The following NKAIN2 variants were observed in gnomAD, a reference collection of about 807,000 sequenced individuals.
NKAIN2 encodes sodium/potassium-transporting ATPase subunit beta-1-interacting protein 2.
In NKAIN2, 14 loss-of-function variants were observed where a neutral mutation model predicts 32.6. That is an observed-to-expected ratio of 0.43 (90% CI 0.28 to 0.67). NKAIN2 has a LOEUF of 0.67. Among genes scored for constraint, NKAIN2 ranks in the 30% least tolerant of loss-of-function variants. NKAIN2 has a pLI of 0.17. For missense variants in NKAIN2, 198 were observed against 258.3 expected (o/e 0.77, Z 1.60); for synonymous variants, 80 against 87.2 (o/e 0.92, Z 0.46).
At chr6:124,503,933 T>G (rs889789398) in intron 3 of NKAIN2, among the ~76,000 whole-genome samples, 17 of 152,124 alleles carry the variant, frequency 1.1e-4, no homozygotes, top group African/African-American at 4.1e-4. Flanking sequence ...CATATTAATG[T>G]GAGAAGATTG....
intron 5 of NKAIN2, among the ~76,000 whole-genome samples, chr6:124,806,557 A>T (rs1670578577): frequency 6.6e-6 from 1 of 152,194 alleles, no homozygotes; most frequent in African/African-American, 2.4e-5. Context: ...AAGACCATCG[A>T]GACTAGGAAG....
rs567073447 is a variant in NKAIN2 at position 124,581,420 on chromosome 6, T to C, written c.274-76766T>C. On this transcript the variant is annotated intron_variant, in intron 3 of 6. Coordinates refer to ENST00000368417, the MANE Select transcript of NKAIN2 (RefSeq NM_001040214.3). ...CGCCACTGCAGTCCGCAGTCCGGCCTGGGCAACAGAGCGAGACTCCGTCTC... is the reference window on the plus strand; with the variant it reads ...CGCCACTGCAGTCCGCAGTCCGGCCCGGGCAACAGAGCGAGACTCCGTCTC... Among the ~76,000 whole-genome samples the C allele has an allele frequency of 4.6e-3, 545 of 119,134 alleles. 2 individuals carry two copies. The highest frequency in any genetic ancestry group is 0.017 in the African/African-American group (516 of 30,784). 78.2% of individuals were successfully genotyped at this position (119,134 alleles called of 152,430 possible).
chr6:124,427,411 G>T (rs1262309071), intron 3 of NKAIN2, among the ~76,000 whole-genome samples: 1 of 152,106 alleles, frequency 6.6e-6, no homozygotes, highest in East Asian at 1.9e-4. Flanking sequence ...TTATGGTGAT[G>T]ATTTCATACT....
At chr6:124,170,391 A>C (rs1788783954) in intron 1 of NKAIN2, among the ~76,000 whole-genome samples, 2 of 152,182 alleles carry the variant, frequency 1.3e-5, no homozygotes, top group Non-Finnish European at 2.9e-5. Flanking sequence ...CCATTTCCAT[A>C]GATATTTTTT....
chr6:123,921,612 C>T (rs889125550), intron 1 of NKAIN2, among the ~76,000 whole-genome samples: 6 of 152,130 alleles, frequency 3.9e-5, no homozygotes, highest in African/African-American at 1.2e-4. Flanking sequence ...CTGTTCTGGT[C>T]TCTCTCTTCT....
At chr6:124,690,900 C>G (rs1475758698) in intron 4 of NKAIN2, among the ~76,000 whole-genome samples, 1 of 152,092 alleles carries the variant, frequency 6.6e-6, no homozygotes, top group Admixed American at 6.6e-5. Flanking sequence ...TTTCTTTTGC[C>G]TGTCATATTA....
chr6:124,342,871 T>A (rs1368434558), intron 2 of NKAIN2, among the ~76,000 whole-genome samples: 3 of 147,720 alleles, frequency 2.0e-5, no homozygotes, highest in African/African-American at 7.9e-5. Flanking sequence ...AGGGTACATG[T>A]GCACAATGTG....
At chr6:124,102,225 A>G (rs929685087) in intron 1 of NKAIN2, among the ~76,000 whole-genome samples, 1 of 152,200 alleles carries the variant, frequency 6.6e-6, no homozygotes, top group Non-Finnish European at 1.5e-5. Flanking sequence ...CTTCACTGGT[A>G]TGGACCATCT....
intron 1 of NKAIN2, among the ~76,000 whole-genome samples, chr6:123,804,920 AAACT>A (rs1433113578): frequency 1.3e-5 from 2 of 152,198 alleles, no homozygotes; most frequent in Non-Finnish European, 2.9e-5. Flanking sequence ...ATTCCAAGAA[AAACT>A]ATTCTGTCTT....
chr6:124,413,335 T>G (rs1774304418), intron 3 of NKAIN2, among the ~76,000 whole-genome samples: 1 of 152,236 alleles, frequency 6.6e-6, no homozygotes, highest in Admixed American at 6.5e-5. Context: ...CACCGTTTAT[T>G]GAAAAGCCTG....
At chr6:124,773,327 C>T (rs532517241) in intron 4 of NKAIN2, among the ~76,000 whole-genome samples, 20 of 151,880 alleles carry the variant, frequency 1.3e-4, no homozygotes, top group East Asian at 3.9e-4. Flanking sequence ...AGAAGAGGTG[C>T]GAGTGGTGGG....
intron 1 of NKAIN2, among the ~76,000 whole-genome samples, chr6:124,157,052 G>A (rs550630024): frequency 3.0e-5 from 4 of 131,568 alleles, no homozygotes; most frequent in East Asian, 4.8e-4. Flanking sequence ...GCAGTGAGCC[G>A]AGATCGAGCC....
intron 1 of NKAIN2, among the ~76,000 whole-genome samples, chr6:124,048,848 G>T (rs1374332378): frequency 1.3e-5 from 2 of 152,034 alleles, no homozygotes; most frequent in African/African-American, 2.4e-5. Flanking sequence ...TTTCTTAAGT[G>T]CATGGCTCAG....
intron 1 of NKAIN2, among the ~76,000 whole-genome samples, chr6:123,898,259 C>T (rs1774380001): frequency 6.6e-6 from 1 of 152,154 alleles, no homozygotes; most frequent in African/African-American, 2.4e-5. Context: ...ACTTTTTCCA[C>T]ATGAGCTGCC....
chr6:124,584,563 G>C (rs1025530146), intron 3 of NKAIN2, among the ~76,000 whole-genome samples: 1 of 150,648 alleles, frequency 6.6e-6, no homozygotes, highest in Non-Finnish European at 1.5e-5. Flanking sequence ...TGAGGCAGGA[G>C]AATCGCTTGA....
chr6:124,182,365 C>A (rs1311167068), intron 1 of NKAIN2, among the ~76,000 whole-genome samples: 1 of 152,096 alleles, frequency 6.6e-6, no homozygotes, highest in Non-Finnish European at 1.5e-5. Flanking sequence ...TTGATAATTA[C>A]AAATATTTTT....
chr6:124,515,506 C>G (rs772093375), intron 3 of NKAIN2, among the ~76,000 whole-genome samples: 1 of 151,926 alleles, frequency 6.6e-6, no homozygotes, highest in Non-Finnish European at 1.5e-5. Context: ...AAAAAACCAA[C>G]TCTCGGATGA....
intron 1 of NKAIN2, among the ~76,000 whole-genome samples, chr6:124,148,419 C>A (rs934415476): frequency 6.6e-6 from 1 of 152,064 alleles, no homozygotes; most frequent in East Asian, 1.9e-4. Context: ...CCCCCCCGAC[C>A]AACCCCTGGC....
rs1469228445 is a variant in NKAIN2 at position 124,411,588 on chromosome 6, G to A, written c.273+56241G>A. Reference sequence around the variant, plus strand: ...ATGGGCTTCCTTTTGTGGGTAACCTGACCTTTCTCTCTGGCTGCCCTTAAC... The same window carrying A: ...ATGGGCTTCCTTTTGTGGGTAACCTAACCTTTCTCTCTGGCTGCCCTTAAC... On this transcript the variant is annotated intron_variant, in intron 3 of 6. Transcript: ENST00000368417. Among the ~76,000 whole-genome samples, 4 of 152,362 alleles carry A rather than the reference G, an allele frequency of 2.6e-5. No homozygotes were observed. In the South Asian group the frequency reaches 8.3e-4, roughly 32 times the overall value.
Sources: gnomAD v4.1 joint callset for allele counts (sites outside exome capture counted in the v4.1 genomes callset) on GRCh38, gnomAD v4.1.1 for gene constraint, MANE v1.5 for transcripts, NCBI Gene and HGNC (gene_info 2026-07-23, HGNC 2026-07-21) for gene names.